The following C1orf21 variants were observed in gnomAD, a reference collection of about 807,000 sequenced individuals.
C1orf21 encodes the protein chromosome 1 open reading frame 21, also known as uncharacterized protein C1orf21.
C1orf21 carries 3 observed loss-of-function variants against 18.7 expected under a neutral mutation model. That is an observed-to-expected ratio of 0.16 (90% CI 0.07 to 0.42). The LOEUF (loss-of-function observed/expected upper bound fraction) is 0.42. Among genes scored for constraint, C1orf21 ranks in the 10% least tolerant of loss-of-function variants. The probability of loss-of-function intolerance (pLI) is 0.99; values close to 1 mark genes in which losing one functional copy is unlikely to be tolerated. For synonymous variants in C1orf21, 41 were observed against 46.4 expected (o/e 0.88, Z 0.47); for missense variants, 104 against 143.6 (o/e 0.72, Z 1.41).
rs201162090 is a variant in C1orf21 at position 184,606,273 on chromosome 1, G to A, written c.327+7812G>A. 2.0e-5 allele frequency among the ~76,000 whole-genome samples: 3 copies of A among 152,086 alleles called. No homozygotes were observed. The East Asian group carries it at 5.8e-4, about 29-fold the overall frequency. The stretch of plus-strand genomic sequence containing the variant: ...TGTCTCATTTGAAAGGCTTTTATAA[G>A]CCTTTTAAAAGATATTCATTGGCCA... On this transcript the variant is annotated intron_variant, in intron 5 of 5. Transcript: ENST00000235307.
chr1:184,487,558 C>T (rs1274395504), intron 2 of C1orf21, among the ~76,000 whole-genome samples: 1 of 152,158 alleles, frequency 6.6e-6, no homozygotes. Context: ...GATATTAAGT[C>T]CAAACCAACA....
chr1:184,456,058 C>G (rs1252819382), intron 1 of C1orf21, among the ~76,000 whole-genome samples: 3 of 152,150 alleles, frequency 2.0e-5, no homozygotes, highest in Non-Finnish European at 4.4e-5. Flanking sequence ...GAACATTACT[C>G]CTCCTCACAG....
chr1:184,484,491 A>G (rs1347494203), intron 2 of C1orf21, among the ~76,000 whole-genome samples: 3 of 152,220 alleles, frequency 2.0e-5, no homozygotes, highest in Non-Finnish European at 2.9e-5. Context: ...TTATATGTCT[A>G]ATCTCTCTTG....
At chr1:184,573,199 T>G (rs1659139196) in intron 3 of C1orf21, among the ~76,000 whole-genome samples, 1 of 152,202 alleles carries the variant, frequency 6.6e-6, no homozygotes, top group African/African-American at 2.4e-5. Context: ...CACTTGCAGC[T>G]GCAGCGTTTA....
chr1:184,516,464 G>GT (rs1658230139), intron 3 of C1orf21, among the ~76,000 whole-genome samples: 1 of 152,094 alleles, frequency 6.6e-6, no homozygotes, highest in Admixed American at 6.6e-5. Flanking sequence ...TACTGGATTA[G>GT]TCCATTTTCA....
chr1:184,406,036 G>A (rs534396908), intron 1 of C1orf21, among the ~76,000 whole-genome samples: 3 of 151,988 alleles, frequency 2.0e-5, no homozygotes, highest in East Asian at 1.9e-4. Flanking sequence ...GTTTCCTTTC[G>A]GTTGAAATGT....
intron 1 of C1orf21, among the ~76,000 whole-genome samples, chr1:184,455,157 T>G (rs1444536842): frequency 6.6e-6 from 1 of 152,198 alleles, no homozygotes; most frequent in Non-Finnish European, 1.5e-5. Context: ...GGCCCATGTG[T>G]GGACTCACGT....
intron 1 of C1orf21, among the ~76,000 whole-genome samples, chr1:184,454,652 A>G (rs1331472405): frequency 2.0e-5 from 3 of 151,958 alleles, no homozygotes; most frequent in African/African-American, 7.3e-5. Context: ...GTTTAAATCT[A>G]TATGGCACCT....
At chr1:184,508,036 A>C (rs1264037242) in intron 3 of C1orf21, among the ~76,000 whole-genome samples, 1 of 152,136 alleles carries the variant, frequency 6.6e-6, no homozygotes, top group Non-Finnish European at 1.5e-5. Flanking sequence ...AATCAGGATG[A>C]ATGGTTGTTT....
At chr1:184,474,987 A>G (rs1410457714) in intron 1 of C1orf21, among the ~76,000 whole-genome samples, 1 of 152,184 alleles carries the variant, frequency 6.6e-6, no homozygotes, top group African/African-American at 2.4e-5. Context: ...AGCAATAACA[A>G]CAACAACAAC....
chr1:184,469,059 A>G (rs1412742450), intron 1 of C1orf21, among the ~76,000 whole-genome samples: 1 of 151,642 alleles, frequency 6.6e-6, no homozygotes, highest in Non-Finnish European at 1.5e-5. Flanking sequence ...ACATGGTGAA[A>G]CCCTGTCTCT....
intron 5 of C1orf21, among the ~76,000 whole-genome samples, chr1:184,607,428 G>A (rs894420246): frequency 1.3e-5 from 2 of 151,970 alleles, no homozygotes; most frequent in Non-Finnish European, 2.9e-5. Flanking sequence ...AGTGCAAACC[G>A]GTAAAAACCA....
At chr1:184,562,474 T>C (rs1287809387) in intron 3 of C1orf21, among the ~76,000 whole-genome samples, 1 of 152,210 alleles carries the variant, frequency 6.6e-6, no homozygotes, top group Non-Finnish European at 1.5e-5. Flanking sequence ...TCCTTTTGCC[T>C]GGCACAGCCC....
At chr1:184,538,305 A>G (rs1035701236) in intron 3 of C1orf21, among the ~76,000 whole-genome samples, 1 of 152,042 alleles carries the variant, frequency 6.6e-6, no homozygotes, top group Non-Finnish European at 1.5e-5. Flanking sequence ...CAATCTTTCA[A>G]TTTAGTTGTT....
intron 1 of C1orf21, among the ~76,000 whole-genome samples, chr1:184,429,925 G>T (rs1656707715): frequency 6.6e-6 from 1 of 151,848 alleles, no homozygotes; most frequent in Admixed American, 6.6e-5. Flanking sequence ...TAGCTAATAT[G>T]GTGAAACCCT....
intron 1 of C1orf21, among the ~76,000 whole-genome samples, chr1:184,418,225 C>CTT (rs34186357): frequency 0.064 from 9,700 of 151,132 alleles, 366 homozygotes; most frequent in Non-Finnish European, 0.075. Context: ...CATAACTTCT[C>CTT]TTTATTTTTT....
At chr1:184,413,776 G>T (rs1656403926) in intron 1 of C1orf21, among the ~76,000 whole-genome samples, 1 of 152,178 alleles carries the variant, frequency 6.6e-6, no homozygotes, top group African/African-American at 2.4e-5. Flanking sequence ...TCCCTGTGTG[G>T]TGGGGTTATC....
At chr1:184,544,864 G>C (rs1348419854) in intron 3 of C1orf21, among the ~76,000 whole-genome samples, 1 of 151,932 alleles carries the variant, frequency 6.6e-6, no homozygotes, top group African/African-American at 2.4e-5. Context: ...CATGTTTGCT[G>C]TTGGGAGGCC....
Position 184,518,573 on chromosome 1 carries a change from C to T in C1orf21, c.189+10891C>T, listed in dbSNP as rs187540401. On this transcript the variant is annotated intron_variant, in intron 3 of 5. Transcript: ENST00000235307. ...TAACATACACAGAAATTAATGACTC[C>T]GGTGGCTTTTGAAGCAACTACATGA... 2.3e-3 allele frequency among the ~76,000 whole-genome samples: 350 copies of T among 152,184 alleles called. 1 individual carries two copies. Among genetic ancestry groups the T allele is most frequent in the African/African-American group, 7.1e-3 (293 of 41,544 alleles).
Sources: allele counts gnomAD v4.1 joint callset (sites outside exome capture counted in the v4.1 genomes callset), GRCh38; gene constraint gnomAD v4.1.1; transcripts MANE v1.5; gene names NCBI Gene and HGNC (gene_info 2026-07-23, HGNC 2026-07-21).